Variants in MAP2K1 observed in about 807,000 individuals in gnomAD.
The protein encoded by MAP2K1 is dual specificity mitogen-activated protein kinase kinase 1.
MAP2K1 carries 16 observed loss-of-function variants against 46.3 expected under a neutral mutation model. The observed-to-expected ratio is 0.35, with a 90% CI of 0.23 to 0.52. The LOEUF (loss-of-function observed/expected upper bound fraction) is 0.52, where lower values mean the gene tolerates loss of function less well. Among genes scored for constraint, MAP2K1 ranks in the 20% least tolerant of loss-of-function variants. The pLI, the probability that MAP2K1 is intolerant of heterozygous loss-of-function variation, is 0.94. For missense variants in MAP2K1, 263 were observed against 497.1 expected (o/e 0.53, Z 4.48); for synonymous variants, 183 against 185.6 (o/e 0.99, Z 0.11).
At chr15:66,415,276 G>T (rs1256765558) in intron 1 of MAP2K1, 4 of 359,330 alleles carry the variant, frequency 1.1e-5, no homozygotes, top group Non-Finnish European at 2.1e-5. Context: ...CACCTTATTG[G>T]CGTAAACTAT....
At chr15:66,424,061 T>C (rs1253724069) in intron 1 of MAP2K1, among the ~76,000 whole-genome samples, 1 of 31,556 alleles carries the variant, frequency 3.2e-5, no homozygotes, top group Non-Finnish European at 2.1e-4. Context: ...CCATGTCTTG[T>C]GCATTTTTTT....
chr15:66,463,512 AC>A (rs11314238), intron 5 of MAP2K1, among the ~76,000 whole-genome samples: 152,282 of 152,282 alleles, frequency 1, 76,141 homozygotes, highest in Non-Finnish European at 1. Flanking sequence ...ACGGAGTCTC[AC>A]CTCTTGTTGC....
intron 8 of MAP2K1, 100 bp from the exon 9 acceptor site, chr15:66,489,114 TA>T: frequency 3.7e-5 from 34 of 923,274 alleles, no homozygotes; most frequent in South Asian, 5.2e-5. Context: ...GAGAAGACTT[TA>T]AAAAAAAGTA....
chr15:66,489,194 TATCTC>T lies in MAP2K1; in HGVS notation c.961-19_961-15del. On this transcript the variant is annotated splice_polypyrimidine_tract_variant and intron_variant, in intron 8 of 10. Coordinates refer to ENST00000307102, the MANE Select transcript of MAP2K1 (RefSeq NM_002755.4). Reference sequence around the variant, plus strand: ...GGAGCAAGGAGCCAGGCATTTTTCTTATCTCAACATGTGTTTGCAGCCTCCTCCAA... The same window carrying T: ...GGAGCAAGGAGCCAGGCATTTTTCTTAACATGTGTTTGCAGCCTCCTCCAA... 6.2e-7 allele frequency: 1 copy of T among 1,609,180 alleles called. No individual in the cohort carries two copies. Among genetic ancestry groups the T allele is most frequent in the East Asian group, 2.2e-5 (1 of 44,854 alleles).
intron 5 of MAP2K1, among the ~76,000 whole-genome samples, chr15:66,461,505 TAAATA>T (rs1892318978): frequency 6.7e-6 from 1 of 149,906 alleles, no homozygotes; most frequent in African/African-American, 2.5e-5. Context: ...AATAAATAAA[TAAATA>T]AATAATAAAA....
chr15:66,401,176 C>A (rs761923436), intron 1 of MAP2K1, among the ~76,000 whole-genome samples: 2 of 152,026 alleles, frequency 1.3e-5, no homozygotes, highest in Non-Finnish European at 2.9e-5. Context: ...CTTCCAGATT[C>A]TTATTATTTA....
intron 5 of MAP2K1, among the ~76,000 whole-genome samples, chr15:66,448,246 C>G (rs1347573399): frequency 6.6e-6 from 1 of 151,722 alleles, no homozygotes; most frequent in South Asian, 2.1e-4. Context: ...TTTGACTACT[C>G]TAGGTACCTC....
intron 5 of MAP2K1, among the ~76,000 whole-genome samples, chr15:66,464,858 GAAA>G (rs775839323): frequency 1.4e-4 from 22 of 151,772 alleles, no homozygotes; most frequent in South Asian, 6.2e-4. Context: ...CTGTAGCCAG[GAAA>G]AATTAGAATT....
At chr15:66,434,650 A>G (rs2093482833) in intron 1 of MAP2K1, among the ~76,000 whole-genome samples, 1 of 152,174 alleles carries the variant, frequency 6.6e-6, no homozygotes, top group Non-Finnish European at 1.5e-5. Context: ...TGCGTATGGT[A>G]AAAACAATAA....
At chr15:66,393,651 G>T (rs2093361647) in intron 1 of MAP2K1, among the ~76,000 whole-genome samples, 1 of 152,176 alleles carries the variant, frequency 6.6e-6, no homozygotes, top group African/African-American at 2.4e-5. Flanking sequence ...TACCATGGTG[G>T]CCTACAAGGC....
chr15:66,465,201 C>T (rs866739515), intron 5 of MAP2K1, among the ~76,000 whole-genome samples: 1 of 152,000 alleles, frequency 6.6e-6, no homozygotes. Flanking sequence ...CAGGACAAGT[C>T]GCAGACAAAA....
At chr15:66,418,222 A>G (rs1257569799) in intron 1 of MAP2K1, among the ~76,000 whole-genome samples, 3 of 152,174 alleles carry the variant, frequency 2.0e-5, no homozygotes, top group African/African-American at 4.8e-5. Context: ...TTTGCGGCCT[A>G]TGACCTATGG....
At chr15:66,388,778 T>C (rs1017879935) in intron 1 of MAP2K1, among the ~76,000 whole-genome samples, 3 of 152,138 alleles carry the variant, frequency 2.0e-5, no homozygotes, top group Non-Finnish European at 2.9e-5. Context: ...TGTTCAGCTG[T>C]GTTTTTCAGA....
rs748112748 is a variant in MAP2K1 at position 66,395,600 on chromosome 15, A to G, written c.80+8173A>G. ...TTTTTTTTTTTTTTTTTTGAGACGG[A>G]GTCTCACTCTGTCACCCAGGCTAGA... On this transcript the variant is annotated intron_variant, in intron 1 of 10. Coordinates refer to ENST00000307102, the MANE Select transcript of MAP2K1 (RefSeq NM_002755.4). Among the ~76,000 whole-genome samples, 103 of 124,984 alleles carry G rather than the reference A, an allele frequency of 8.2e-4. 1 individual carries two copies. The highest frequency in any genetic ancestry group is 1.3e-3 in the Non-Finnish European group (81 of 63,240). 82.0% of individuals were successfully genotyped at this position (124,984 alleles called of 152,430 possible).
chr15:66,476,764 G>C (rs1226532395), intron 5 of MAP2K1, among the ~76,000 whole-genome samples: 1 of 152,170 alleles, frequency 6.6e-6, no homozygotes, highest in Non-Finnish European at 1.5e-5. Flanking sequence ...CTGTGTAGGC[G>C]GGGGGAGGGA....
chr15:66,421,808 A>C (rs1252629812), intron 1 of MAP2K1, among the ~76,000 whole-genome samples: 4 of 150,030 alleles, frequency 2.7e-5, no homozygotes, highest in Non-Finnish European at 4.4e-5. Context: ...AAAAAAAAAA[A>C]CCAACAAAAA....
In MAP2K1 at chr15:66,490,893, A is replaced by C. The variant is rs866878741; in HGVS notation, c.*278A>C. On this transcript the variant is annotated 3_prime_UTR_variant, in exon 11 of 11. Transcript: ENST00000307102. Reference sequence around the variant, plus strand: ...CCTGTGCCAGGCTGAATTACAGTGAAATTTTGGTGAATGTGGGTAGTCATT... The same window carrying C: ...CCTGTGCCAGGCTGAATTACAGTGACATTTTGGTGAATGTGGGTAGTCATT... 2.8e-5 allele frequency: 14 copies of C among 508,672 alleles called. No homozygotes were observed. The highest frequency in any genetic ancestry group is 1.1e-3 in the Middle Eastern group (2 of 1,904). 31.5% of individuals were successfully genotyped at this position (508,672 alleles called of 1,614,324 possible).
At chr15:66,389,158 G>A (rs2093350856) in intron 1 of MAP2K1, among the ~76,000 whole-genome samples, 2 of 151,110 alleles carry the variant, frequency 1.3e-5, no homozygotes, top group Non-Finnish European at 3.0e-5. Context: ...CACCTGCCTC[G>A]GCCTCCGAAA....
At chr15:66,453,588 A>G (rs1325289525) in intron 5 of MAP2K1, 1 of 702,318 alleles carries the variant, frequency 1.4e-6, no homozygotes, top group African/African-American at 1.7e-5. Context: ...TGAAAATGAG[A>G]GAGAGCAGTC....
Sources: gnomAD v4.1 joint callset for allele counts (sites outside exome capture counted in the v4.1 genomes callset) on GRCh38, gnomAD v4.1.1 for gene constraint, MANE v1.5 for transcripts, NCBI Gene and HGNC (gene_info 2026-07-23, HGNC 2026-07-21) for gene names.